The following FAM107B variants were observed in gnomAD, a reference collection of about 807,000 sequenced individuals.
The protein encoded by FAM107B is family with sequence similarity 107 member B.
FAM107B carries 21 observed loss-of-function variants against 31.5 expected under a neutral mutation model. The ratio of observed to expected loss-of-function variants is 0.67; its 90% CI spans 0.47 to 0.96. The LOEUF (loss-of-function observed/expected upper bound fraction) is 0.96. Among genes scored for constraint, FAM107B ranks in the 40% least tolerant of loss-of-function variants. The pLI is 0.00. For missense variants in FAM107B, 452 were observed against 377.1 expected (o/e 1.20, Z -1.64); for synonymous variants, 157 against 141.5 (o/e 1.11, Z -0.78).
chr10:14,712,626 A>AAAAAAAAAAAAAAAAAAAAAAAAAAG (rs1554851690), intron 1 of FAM107B, among the ~76,000 whole-genome samples: 2 of 146,854 alleles, frequency 1.4e-5, no homozygotes, highest in Non-Finnish European at 1.5e-5. Context: ...AACAAAAAAA[A>AAAAAAAAAAAAAAAAAAAAAAAAAAG]AAGAAGAAGA....
intron 2 of FAM107B, among the ~76,000 whole-genome samples, chr10:14,625,736 C>T (rs577841536): frequency 2.0e-5 from 3 of 151,508 alleles, no homozygotes; most frequent in Admixed American, 2.0e-4. Context: ...AGTGCTATTG[C>T]TTAGAAGGAA....
At chr10:14,735,310 C>A (rs529860565) in intron 1 of FAM107B, among the ~76,000 whole-genome samples, 1 of 151,846 alleles carries the variant, frequency 6.6e-6, no homozygotes, top group South Asian at 2.1e-4. Flanking sequence ...TTTAGCCCAT[C>A]AGCTATCATT....
rs529478430 is a variant in FAM107B at position 14,520,998 on chromosome 10, T to C, written c.*192A>G. On this transcript the variant is annotated 3_prime_UTR_variant, in exon 5 of 5. Coordinates refer to ENST00000181796, the MANE Select transcript of FAM107B (RefSeq NM_031453.4). The stretch of plus-strand genomic sequence containing the variant: ...TTACGTGCGGGGCACTGCCCTTCAT[T>C]TGGCGAATAGGAACTGCAACTGTCA... The C allele has an allele frequency of 2.2e-4, 122 of 543,316 alleles. 1 individual carries two copies. In the South Asian group the frequency reaches 3.1e-3, roughly 14 times the overall value. The allele number at this position is 543,316 out of a possible 1,614,324, so 33.7% of individuals were successfully genotyped here.
rs779818112 is a variant in FAM107B at position 14,568,900 on chromosome 10, G to A, written c.470-38385C>T. ...TGGGATCCTAAATCCCAGAATCGTC[G>A]GCAACATAATAAATGGCAACACCAG... On this transcript the variant is annotated intron_variant, in intron 2 of 4. Coordinates refer to ENST00000181796, the MANE Select transcript of FAM107B (RefSeq NM_031453.4). Among the ~76,000 whole-genome samples the A allele has an allele frequency of 4.6e-5, 7 of 152,100 alleles. No individual in the cohort carries two copies. In the East Asian group the frequency reaches 5.8e-4, roughly 13 times the overall value.
chr10:14,763,617 G>A (rs1024026158), intron 1 of FAM107B, among the ~76,000 whole-genome samples: 1 of 152,138 alleles, frequency 6.6e-6, no homozygotes, highest in Admixed American at 6.5e-5. Flanking sequence ...TCAGTCAAAA[G>A]GGCTGTCTTT....
At chr10:14,702,242 G>A (rs1307614370) in intron 1 of FAM107B, among the ~76,000 whole-genome samples, 1 of 152,282 alleles carries the variant, frequency 6.6e-6, no homozygotes, top group African/African-American at 2.4e-5. Context: ...CTCCATCTTA[G>A]GCTCAGCATT....
At chr10:14,709,613 T>G (rs930709723) in intron 1 of FAM107B, among the ~76,000 whole-genome samples, 2 of 152,188 alleles carry the variant, frequency 1.3e-5, no homozygotes, top group African/African-American at 4.8e-5. Context: ...CAATTCAAGA[T>G]GAGATTTGGG....
intron 1 of FAM107B, among the ~76,000 whole-genome samples, chr10:14,696,455 A>G (rs933437525): frequency 6.6e-6 from 1 of 151,980 alleles, no homozygotes; most frequent in Non-Finnish European, 1.5e-5. Context: ...GTTTTCTTGT[A>G]ATGTCTTTGC....
At chr10:14,724,965 A>G (rs1212219626) in intron 1 of FAM107B, among the ~76,000 whole-genome samples, 1 of 152,254 alleles carries the variant, frequency 6.6e-6, no homozygotes, top group Non-Finnish European at 1.5e-5. Context: ...AGGCTCCCAT[A>G]ACTTCAAAAG....
At chr10:14,587,201 T>C (rs1474608570) in intron 2 of FAM107B, among the ~76,000 whole-genome samples, 1 of 152,172 alleles carries the variant, frequency 6.6e-6, no homozygotes, top group Non-Finnish European at 1.5e-5. Context: ...TAGGTCTATC[T>C]AGCAAAAAGT....
intron 2 of FAM107B, among the ~76,000 whole-genome samples, chr10:14,583,456 G>A (rs906525738): frequency 1.3e-5 from 2 of 152,186 alleles, no homozygotes; most frequent in African/African-American, 4.8e-5. Flanking sequence ...CAGGACCCAA[G>A]CTCACCTTAG....
chr10:14,757,041 T>C (rs1258811216), intron 1 of FAM107B, among the ~76,000 whole-genome samples: 1 of 151,940 alleles, frequency 6.6e-6, no homozygotes, highest in Non-Finnish European at 1.5e-5. Flanking sequence ...TCAGGAAAAA[T>C]AACTAATGGG....
intron 1 of FAM107B, among the ~76,000 whole-genome samples, chr10:14,746,279 C>T (rs189933806): frequency 3.3e-5 from 5 of 152,260 alleles, no homozygotes; most frequent in Non-Finnish European, 7.4e-5. Context: ...TTAATTGGGG[C>T]ATTTAGTCCA....
At chr10:14,665,990 G>A (rs1854395136) in intron 2 of FAM107B, among the ~76,000 whole-genome samples, 1 of 152,172 alleles carries the variant, frequency 6.6e-6, no homozygotes, top group South Asian at 2.1e-4. Flanking sequence ...ACTACAGACA[G>A]TAAGAGAGTG....
chr10:14,728,208 C>T (rs914507710), intron 1 of FAM107B, among the ~76,000 whole-genome samples: 3 of 152,158 alleles, frequency 2.0e-5, no homozygotes, highest in Non-Finnish European at 4.4e-5. Flanking sequence ...ACTGCACTTG[C>T]ATCATTTTTT....
At chr10:14,704,269 CTGTGTGTGTGTG>C (rs113899632) in intron 1 of FAM107B, among the ~76,000 whole-genome samples, 1 of 148,128 alleles carries the variant, frequency 6.8e-6, no homozygotes, top group East Asian at 2.0e-4. Context: ...GTAAATTGCT[CTGTGTGTGTGTG>C]TGTGTGTGTG....
At chr10:14,597,153 T>A (rs879315394) in intron 2 of FAM107B, among the ~76,000 whole-genome samples, 1 of 152,308 alleles carries the variant, frequency 6.6e-6, no homozygotes, top group Non-Finnish European at 1.5e-5. Flanking sequence ...GAAAGAATAT[T>A]ATGAAGCCCC....
chr10:14,522,315 C>A, intron 3 of FAM107B: 1 of 299,468 alleles, frequency 3.3e-6, no homozygotes, highest in Non-Finnish European at 6.2e-6. Flanking sequence ...TGGGGATGTG[C>A]GTACGATGAC....
At chr10:14,761,934 G>A (rs1346894155) in intron 1 of FAM107B, among the ~76,000 whole-genome samples, 4 of 152,068 alleles carry the variant, frequency 2.6e-5, no homozygotes, top group East Asian at 1.9e-4. Flanking sequence ...GTTTGAGATC[G>A]CTGTGAGGCC....
Sources: gnomAD v4.1 joint callset for allele counts (sites outside exome capture counted in the v4.1 genomes callset) on GRCh38, gnomAD v4.1.1 for gene constraint, MANE v1.5 for transcripts, NCBI Gene and HGNC (gene_info 2026-07-23, HGNC 2026-07-21) for gene names.